The following TXNRD2 variants were observed in gnomAD, a reference collection of about 807,000 sequenced individuals.
TXNRD2 encodes thioredoxin reductase 2, mitochondrial.
In TXNRD2, 67 loss-of-function variants were observed where a neutral mutation model predicts 70.8. That is an observed-to-expected ratio of 0.95 (90% CI 0.78 to 1.16). The LOEUF (loss-of-function observed/expected upper bound fraction) is 1.16. Ranked by LOEUF, TXNRD2 falls within the 50% of genes most tolerant of loss-of-function variation. The pLI is 0.00. For synonymous variants in TXNRD2, 301 were observed against 295.8 expected, an observed-to-expected ratio of 1.02 and a Z score of -0.18; for missense variants, 644 against 719.9, an observed-to-expected ratio of 0.89 and a Z score of 1.21.
At chr22:19,927,071 A>G (rs745454389) in intron 2 of TXNRD2, among the ~76,000 whole-genome samples, 85 of 152,188 alleles carry the variant, frequency 5.6e-4, no homozygotes, top group Non-Finnish European at 9.4e-4. Flanking sequence ...AGGTGGGCGG[A>G]TCACCTGAGG....
chr22:19,899,164 T>C, intron 8 of TXNRD2, 96 bp from the exon 9 acceptor site: 1 of 1,530,662 alleles, frequency 6.5e-7, no homozygotes, highest in South Asian at 1.1e-5. Context: ...CCCAGGCCCT[T>C]GGTCAGCTCG....
intron 8 of TXNRD2, 133 bp from the exon 9 acceptor site, chr22:19,899,201 G>C: frequency 2.6e-6 from 3 of 1,172,584 alleles, no homozygotes; most frequent in Non-Finnish European, 3.7e-6. Flanking sequence ...TGTTCAAACA[G>C]CTTGCCCCAG....
At chr22:19,937,298 T>A (rs528467794) in intron 1 of TXNRD2, among the ~76,000 whole-genome samples, 4 of 152,190 alleles carry the variant, frequency 2.6e-5, no homozygotes, top group African/African-American at 9.7e-5. Context: ...CAAAGGTGTG[T>A]ATGAGAGCTT....
chr22:19,881,388 C>T (rs778735410), intron 12 of TXNRD2: 43 of 277,290 alleles, frequency 1.6e-4, no homozygotes, highest in Non-Finnish European at 2.4e-4. Flanking sequence ...TGACTAACTA[C>T]GGAAACATCC....
At position 19,915,281 on chromosome 22, in the gene TXNRD2, G is replaced by C; in HGVS notation, c.529-5C>G. 6.2e-7 allele frequency: 1 copy of C among 1,613,356 alleles called. No individual in the cohort carries two copies. The highest frequency in any genetic ancestry group is 1.1e-5 in the South Asian group (1 of 90,806). On this transcript the variant is annotated splice_polypyrimidine_tract_variant and splice_region_variant and intron_variant, in intron 6 of 17. Coordinates refer to ENST00000400521, the MANE Select transcript of TXNRD2 (RefSeq NM_006440.5). ...GTGATCGGCTGACAGCAGAATCTGA[G>C]GAGAAAAAGAGAAAGCCGTGGGTCA...
intron 5 of TXNRD2, chr22:19,916,188 C>T (rs1045942323): frequency 2.9e-6 from 1 of 343,704 alleles, no homozygotes; most frequent in Non-Finnish European, 5.6e-6. Flanking sequence ...CGGACATGTT[C>T]CAGCAGGGAG....
intron 11 of TXNRD2, among the ~76,000 whole-genome samples, chr22:19,885,739 AC>A (rs1938999773): frequency 6.6e-6 from 1 of 152,146 alleles, no homozygotes; most frequent in African/African-American, 2.4e-5. Flanking sequence ...CTGACGCTGC[AC>A]CCACACTCTC....
chr22:19,917,400 C>T (rs1219896852), intron 5 of TXNRD2, among the ~76,000 whole-genome samples: 1 of 152,190 alleles, frequency 6.6e-6, no homozygotes, highest in Non-Finnish European at 1.5e-5. Context: ...GGCTTCCTGG[C>T]TCCACTTTCC....
At chr22:19,923,428 G>T (rs1021203289) in intron 2 of TXNRD2, among the ~76,000 whole-genome samples, 1 of 152,086 alleles carries the variant, frequency 6.6e-6, no homozygotes, top group Non-Finnish European at 1.5e-5. Flanking sequence ...GGCAGCTCTC[G>T]ACCTGTCCTG....
At chr22:19,894,402 T>G (rs918750228) in intron 11 of TXNRD2, 1 of 152,532 alleles carries the variant, frequency 6.6e-6, no homozygotes, top group Non-Finnish European at 1.5e-5. Context: ...GATGATGAAT[T>G]TGATGTTATG....
intron 12 of TXNRD2, chr22:19,880,994 T>C (rs1193974759): frequency 3.5e-6 from 2 of 578,736 alleles, no homozygotes; most frequent in East Asian, 2.8e-5. Flanking sequence ...CACCCTCACA[T>C]GCTCAAGCCT....
At chr22:19,909,886 CT>C (rs1488756260) in intron 8 of TXNRD2, among the ~76,000 whole-genome samples, 207 of 83,872 alleles carry the variant, frequency 2.5e-3, no homozygotes, top group Admixed American at 4.9e-3. Context: ...ACACACACCA[CT>C]CACACACACA....
intron 13 of TXNRD2, 32 bp from the exon 14 acceptor site, chr22:19,880,303 T>C (rs574335979): frequency 6.2e-6 from 10 of 1,607,814 alleles, no homozygotes; most frequent in South Asian, 5.5e-5. Flanking sequence ...GGGAGGGCCC[T>C]TGGGCCCCGA....
At chr22:19,886,930 C>T (rs907907585) in intron 11 of TXNRD2, among the ~76,000 whole-genome samples, 1 of 152,198 alleles carries the variant, frequency 6.6e-6, no homozygotes, top group African/African-American at 2.4e-5. Context: ...CTGGGGCAGA[C>T]CCTCAAAGGA....
intron 14 of TXNRD2, among the ~76,000 whole-genome samples, chr22:19,879,774 C>T (rs1938676300): frequency 6.6e-6 from 1 of 152,054 alleles, no homozygotes; most frequent in South Asian, 2.1e-4. Context: ...GGAGTGGGGC[C>T]AGTGCTCAGC....
At chr22:19,920,525 G>A (rs1940857954) in intron 2 of TXNRD2, among the ~76,000 whole-genome samples, 1 of 152,118 alleles carries the variant, frequency 6.6e-6, no homozygotes. Flanking sequence ...AGAGGCTGCA[G>A]TGAGCAGAGA....
chr22:19,878,149 G>T lies in TXNRD2; in HGVS notation c.1386C>A (p.Gly462=), dbSNP rs746173893. 6.2e-7 allele frequency: 1 copy of T among 1,613,384 alleles called. No homozygotes were observed. Among genetic ancestry groups the T allele is most frequent in the Non-Finnish European group, 8.5e-7 (1 of 1,180,028 alleles). The change falls in exon 16 of 18, where the codon GGC becomes GGA. Residue 462 remains glycine (G), a synonymous_variant. Coordinates refer to ENST00000400521, the MANE Select transcript of TXNRD2 (RefSeq NM_006440.5). ...CLREPPQLVL[G]LHFLGPNAGE... Reference sequence around the variant, plus strand: ...CTGCGTTGGGGCCAAGGAAATGCAGGCCCAGCACCAGCTGTGGGGGCTCCC... The same window carrying T: ...CTGCGTTGGGGCCAAGGAAATGCAGTCCCAGCACCAGCTGTGGGGGCTCCC...
intron 7 of TXNRD2, chr22:19,914,941 G>T: frequency 4.2e-6 from 2 of 478,568 alleles, no homozygotes; most frequent in Non-Finnish European, 7.7e-6. Flanking sequence ...TAGGAAGCAG[G>T]ATCCTGGTGT....
At chr22:19,910,841 G>A (rs1000039137) in intron 8 of TXNRD2, 20 of 217,908 alleles carry the variant, frequency 9.2e-5, no homozygotes, top group Non-Finnish European at 1.5e-4. Flanking sequence ...TTAGGAGGAC[G>A]AGGTGGGCGG....
Sources: gnomAD v4.1 joint callset for allele counts (sites outside exome capture counted in the v4.1 genomes callset) on GRCh38, gnomAD v4.1.1 for gene constraint, MANE v1.5 for transcripts, NCBI Gene and HGNC (gene_info 2026-07-23, HGNC 2026-07-21) for gene names.